SYT16: variants seen among roughly 807,000 people sequenced by gnomAD.
SYT16 encodes synaptotagmin 16.
In SYT16, 42 loss-of-function variants were observed where a neutral mutation model predicts 61.4. That is an observed-to-expected ratio of 0.68 (90% CI 0.53 to 0.89). SYT16 has a LOEUF of 0.89. Among genes scored for constraint, SYT16 ranks in the 40% least tolerant of loss-of-function variants. The pLI is 0.00. For missense variants in SYT16, 804 were observed against 807.3 expected (o/e 1.00, Z 0.05); for synonymous variants, 314 against 302.3 (o/e 1.04, Z -0.40).
At chr14:61,891,406 G>C (rs998343202) in intron 1 of SYT16, among the ~76,000 whole-genome samples, 1 of 152,140 alleles carries the variant, frequency 6.6e-6, no homozygotes, top group Non-Finnish European at 1.5e-5. Flanking sequence ...TGTGACATTA[G>C]GGAGATTCAG....
intron 1 of SYT16, among the ~76,000 whole-genome samples, chr14:61,870,435 G>T (rs1292285676): frequency 6.6e-6 from 1 of 151,512 alleles, no homozygotes; most frequent in East Asian, 1.9e-4. Flanking sequence ...ACCTGATGAT[G>T]ATGTACTTTA....
At chr14:62,043,480 A>T (rs117855881) in intron 3 of SYT16, among the ~76,000 whole-genome samples, 13,508 of 144,808 alleles carry the variant, frequency 0.093, 825 homozygotes, top group Middle Eastern at 0.18. Flanking sequence ...TGATCTCAGC[A>T]CACTGCAAAC....
At position 62,034,801 on chromosome 14, in the gene SYT16, GCATAAGTCTGTA is replaced by G. The variant is rs1263872993; in HGVS notation, c.524-34799_524-34788del. ...TGTGCTAAAATTGATTGTGATGGTT[GCATAAGTCTGTA>G]CAACATTGTACTGTATACTTAAAAT... is the stretch of plus-strand genomic sequence containing the variant. On this transcript the variant is annotated intron_variant, in intron 3 of 7. Coordinates refer to ENST00000683842, the MANE Select transcript of SYT16 (RefSeq NM_001367656.1). Among the ~76,000 whole-genome samples, 4 of 152,196 alleles carry G rather than the reference GCATAAGTCTGTA, an allele frequency of 2.6e-5. No homozygotes were observed. The East Asian group carries it at 7.7e-4, about 29-fold the overall frequency.
intron 1 of SYT16, among the ~76,000 whole-genome samples, chr14:61,903,265 T>G (rs925995741): frequency 7.4e-6 from 1 of 135,674 alleles, no homozygotes; most frequent in East Asian, 2.0e-4. Flanking sequence ...TCATTATGTC[T>G]TTTTTTTTTT....
intron 1 of SYT16, among the ~76,000 whole-genome samples, chr14:61,861,335 C>A (rs573393934): frequency 1.3e-5 from 2 of 152,306 alleles, no homozygotes; most frequent in South Asian, 4.1e-4. Flanking sequence ...AAAATATAAA[C>A]ATTTTAATGC....
chr14:61,824,703 G>C (rs1461127458), intron 1 of SYT16, among the ~76,000 whole-genome samples: 16 of 152,156 alleles, frequency 1.1e-4, no homozygotes. Flanking sequence ...CTGCTGTGAG[G>C]CTGCCATTTT....
intron 3 of SYT16, among the ~76,000 whole-genome samples, chr14:62,023,928 T>A (rs1304901605): frequency 6.6e-6 from 1 of 152,142 alleles, no homozygotes. Context: ...AAAGTTTATA[T>A]GGGAAAATGT....
In SYT16 at chr14:62,100,784, C is replaced by T. The variant is rs996948954; in HGVS notation, c.*77C>T. ...TGTCTACTGACACTAAGTGTCCTGG[C>T]AAGGGTTTCAGGGTTTCAAAAACAG... On this transcript the variant is annotated 3_prime_UTR_variant, in exon 8 of 8. Coordinates refer to ENST00000683842, the MANE Select transcript of SYT16 (RefSeq NM_001367656.1). 1 of 1,467,804 alleles carries T rather than the reference C, an allele frequency of 6.8e-7. No homozygotes were observed. The allele number at this position is 1,467,804 out of a possible 1,614,324, so 90.9% of individuals were successfully genotyped here.
chr14:62,049,804 C>G (rs189392195), intron 3 of SYT16, among the ~76,000 whole-genome samples: 3 of 152,344 alleles, frequency 2.0e-5, no homozygotes, highest in East Asian at 1.9e-4. Flanking sequence ...TTGGTTCCCA[C>G]TCTCTTCTGG....
At chr14:62,010,757 C>G (rs2053415176) in intron 3 of SYT16, among the ~76,000 whole-genome samples, 1 of 151,884 alleles carries the variant, frequency 6.6e-6, no homozygotes, top group Admixed American at 6.6e-5. Context: ...TGAGGATAAA[C>G]AAAGTTGAAA....
rs184881499 is a variant in SYT16, at chr14:62,049,484, T to C, written c.524-20119T>C. Among the ~76,000 whole-genome samples, 661 of 152,322 alleles carry C rather than the reference T, an allele frequency of 4.3e-3. 5 individuals are homozygous for C. Among genetic ancestry groups the C allele is most frequent in the African/African-American group, 0.015 (631 of 41,564 alleles). On this transcript the variant is annotated intron_variant, in intron 3 of 7. Coordinates refer to ENST00000683842, the MANE Select transcript of SYT16 (RefSeq NM_001367656.1). ...GCATTTAGCCCATTTACATTTAAGG[T>C]TAATATTGTTATGTGTGAATTTGAT...
chr14:62,044,785 G>A (rs1049482721), intron 3 of SYT16, among the ~76,000 whole-genome samples: 4 of 152,164 alleles, frequency 2.6e-5, no homozygotes, highest in African/African-American at 9.7e-5. Flanking sequence ...ATAAGCATAT[G>A]TGGGGGTTAT....
chr14:61,914,530 C>T (rs923452488), intron 1 of SYT16, among the ~76,000 whole-genome samples: 4 of 152,198 alleles, frequency 2.6e-5, no homozygotes, highest in Non-Finnish European at 5.9e-5. Context: ...AGACTCCCTA[C>T]CATCAGATTC....
chr14:61,863,666 C>T (rs545534251), intron 1 of SYT16, among the ~76,000 whole-genome samples: 11 of 152,302 alleles, frequency 7.2e-5, no homozygotes, highest in African/African-American at 1.2e-4. Context: ...CCTTTGCTGC[C>T]GCATGTAAAA....
At chr14:61,981,807 C>A (rs928399606) in intron 2 of SYT16, among the ~76,000 whole-genome samples, 1 of 152,106 alleles carries the variant, frequency 6.6e-6, no homozygotes, top group Non-Finnish European at 1.5e-5. Flanking sequence ...ATATGAGCAG[C>A]CCTGCTTTCT....
chr14:61,980,750 A>C (rs2140561190), intron 2 of SYT16, among the ~76,000 whole-genome samples: 1 of 152,342 alleles, frequency 6.6e-6, no homozygotes, highest in South Asian at 2.1e-4. Context: ...AAAGAGGCAA[A>C]TAAATAAAAT....
At chr14:62,010,669 G>C (rs892474518) in intron 3 of SYT16, among the ~76,000 whole-genome samples, 1 of 152,104 alleles carries the variant, frequency 6.6e-6, no homozygotes, top group Non-Finnish European at 1.5e-5. Context: ...AGGAGACATT[G>C]CTGTTCATGG....
chr14:62,010,443 G>A (rs2053399846), intron 3 of SYT16, among the ~76,000 whole-genome samples: 1 of 152,162 alleles, frequency 6.6e-6, no homozygotes, highest in African/African-American at 2.4e-5. Context: ...AAATATTTGA[G>A]GGAAGAACAT....
At chr14:62,045,592 T>C (rs550555929) in intron 3 of SYT16, among the ~76,000 whole-genome samples, 1 of 152,282 alleles carries the variant, frequency 6.6e-6, no homozygotes, top group South Asian at 2.1e-4. Flanking sequence ...CCTAATGCTA[T>C]CTCTCCCCAC....
Sources: allele counts gnomAD v4.1 joint callset (sites outside exome capture counted in the v4.1 genomes callset), GRCh38; gene constraint gnomAD v4.1.1; transcripts MANE v1.5; gene names NCBI Gene and HGNC (gene_info 2026-07-23, HGNC 2026-07-21).